Variants in LRP1B observed in about 807,000 individuals in gnomAD.
LRP1B encodes LDL receptor related protein 1B, also known as low-density lipoprotein receptor-related protein 1B.
A neutral mutation model predicts 556.6 loss-of-function variants in LRP1B; 217 were observed. The observed-to-expected ratio is 0.39, with a 90% confidence interval of 0.35 to 0.44. The LOEUF is 0.44. LRP1B is among the 20% of genes least tolerant of loss of function. LRP1B has a pLI of 1.00. For synonymous variants in LRP1B, 2,047 were observed against 1,865.8 expected, an observed-to-expected ratio of 1.10 and a Z score of -2.50; for missense variants, 5,053 against 5,620.8, an observed-to-expected ratio of 0.90 and a Z score of 3.23.
At chr2:141,345,264 C>G (rs1262740446) in intron 3 of LRP1B, among the ~76,000 whole-genome samples, 2 of 151,836 alleles carry the variant, frequency 1.3e-5, no homozygotes, top group Non-Finnish European at 2.9e-5. Context: ...TAATGAGATA[C>G]ATTTCAGAAA....
chr2:140,615,496 T>C (rs773396629), intron 41 of LRP1B, among the ~76,000 whole-genome samples: 2 of 152,132 alleles, frequency 1.3e-5, no homozygotes, highest in Non-Finnish European at 2.9e-5. Context: ...GCTCTATCTG[T>C]GCAGTGGGCA....
intron 42 of LRP1B, 102 bp from the exon 43 acceptor site, chr2:140,598,937 T>C (rs1682548811): frequency 2.8e-6 from 2 of 722,516 alleles, no homozygotes; most frequent in South Asian, 3.6e-5. Context: ...AGAAGCAGAA[T>C]TATTTACCTC....
rs1327185759 is a variant in LRP1B, at chr2:141,464,602, A to AT, written c.343+15793dup. On this transcript the variant is annotated intron_variant, in intron 3 of 90. Transcript: ENST00000389484. ...TAATTTTGTATATATATATATATAT[A>AT]TATATTTTTTTAGTAGAGATGGGGT... is the stretch of plus-strand genomic sequence containing the variant. 4.4e-4 allele frequency among the ~76,000 whole-genome samples: 32 copies of AT among 73,438 alleles called. 1 individual carries two copies. The highest frequency in any genetic ancestry group is 1.8e-3 in the African/African-American group (32 of 17,894). The allele number at this position is 73,438 out of a possible 152,430, so 48.2% of individuals were successfully genotyped here.
At chr2:141,760,933 A>G (rs973612314) in intron 2 of LRP1B, among the ~76,000 whole-genome samples, 1 of 152,170 alleles carries the variant, frequency 6.6e-6, no homozygotes, top group Non-Finnish European at 1.5e-5. Context: ...AACATCTTTC[A>G]ATTACCCTAA....
chr2:140,427,017 A>G (rs563350776), intron 66 of LRP1B, among the ~76,000 whole-genome samples: 8 of 152,066 alleles, frequency 5.3e-5, no homozygotes, highest in African/African-American at 1.9e-4. Context: ...TCTCCTTTCA[A>G]TCTTGGCACC....
chr2:141,201,179 T>C (rs1681998798), intron 6 of LRP1B, among the ~76,000 whole-genome samples: 1 of 152,154 alleles, frequency 6.6e-6, no homozygotes, highest in East Asian at 1.9e-4. Context: ...GATAACACCA[T>C]AACACGGTGC....
intron 66 of LRP1B, among the ~76,000 whole-genome samples, chr2:140,387,577 ATT>A (rs34523312): frequency 2.0e-5 from 3 of 148,778 alleles, no homozygotes; most frequent in Non-Finnish European, 3.0e-5. Context: ...GCATTTTTCT[ATT>A]TTTTTTTTTA....
chr2:141,744,080 C>T (rs938809140), intron 2 of LRP1B, among the ~76,000 whole-genome samples: 58 of 151,832 alleles, frequency 3.8e-4, no homozygotes, highest in African/African-American at 1.4e-3. Context: ...TAAGATGCCT[C>T]ATTATTTATT....
intron 72 of LRP1B, among the ~76,000 whole-genome samples, chr2:140,361,597 A>G (rs537570347): frequency 3.1e-4 from 46 of 150,704 alleles, no homozygotes; most frequent in Non-Finnish European, 5.9e-4. Flanking sequence ...GAAACATGTT[A>G]TTACTTTGGT....
intron 60 of LRP1B, among the ~76,000 whole-genome samples, chr2:140,467,392 T>G (rs1456780546): frequency 6.6e-6 from 1 of 151,348 alleles, no homozygotes; most frequent in Non-Finnish European, 1.5e-5. Flanking sequence ...GCACTTGAGG[T>G]CAGGAGTTCA....
At chr2:141,561,224 A>G (rs891969869) in intron 2 of LRP1B, among the ~76,000 whole-genome samples, 2 of 151,836 alleles carry the variant, frequency 1.3e-5, no homozygotes, top group Admixed American at 6.6e-5. Context: ...TAGATATGCT[A>G]TATGCCATTA....
intron 11 of LRP1B, among the ~76,000 whole-genome samples, chr2:141,045,539 A>G (rs920350336): frequency 3.3e-5 from 5 of 152,100 alleles, no homozygotes; most frequent in Non-Finnish European, 7.4e-5. Context: ...TTCTCTAACC[A>G]TTTAATCTAA....
At chr2:141,306,744 A>G (rs1240267590) in intron 3 of LRP1B, among the ~76,000 whole-genome samples, 1 of 151,894 alleles carries the variant, frequency 6.6e-6, no homozygotes, top group Admixed American at 6.6e-5. Flanking sequence ...TGATGTAGGC[A>G]TTTATTGCTA....
intron 3 of LRP1B, among the ~76,000 whole-genome samples, chr2:141,446,992 T>C (rs1000675862): frequency 6.6e-6 from 1 of 152,170 alleles, no homozygotes; most frequent in Non-Finnish European, 1.5e-5. Context: ...TCCTGAATAA[T>C]ATCCTGAAGA....
At chr2:140,630,594 G>T (rs968145609) in intron 41 of LRP1B, among the ~76,000 whole-genome samples, 4 of 152,154 alleles carry the variant, frequency 2.6e-5, no homozygotes, top group African/African-American at 4.8e-5. Context: ...TTCAACTTGC[G>T]GTCTTAGGAG....
chr2:141,968,680 C>T (rs183675726), intron 1 of LRP1B, among the ~76,000 whole-genome samples: 1 of 151,838 alleles, frequency 6.6e-6, no homozygotes, highest in Non-Finnish European at 1.5e-5. Flanking sequence ...TATTATGTAA[C>T]ACAAGACTGT....
intron 41 of LRP1B, among the ~76,000 whole-genome samples, chr2:140,640,583 G>A (rs1684257879): frequency 1.3e-5 from 2 of 149,144 alleles, no homozygotes; most frequent in Non-Finnish European, 3.0e-5. Flanking sequence ...TTTTAGTAGA[G>A]ACAGGGTTTC....
chr2:141,962,564 G>A (rs998926880), intron 1 of LRP1B, among the ~76,000 whole-genome samples: 5 of 151,664 alleles, frequency 3.3e-5, no homozygotes, highest in Non-Finnish European at 4.4e-5. Context: ...AATAAATGCT[G>A]GTCCCTATTT....
intron 1 of LRP1B, among the ~76,000 whole-genome samples, chr2:141,931,458 A>G (rs938162596): frequency 2.6e-5 from 4 of 152,026 alleles, no homozygotes; most frequent in African/African-American, 9.7e-5. Context: ...AAGAGGAGGT[A>G]GAATTGTACT....
Sources: allele counts gnomAD v4.1 joint callset (sites outside exome capture counted in the v4.1 genomes callset), GRCh38; gene constraint gnomAD v4.1.1; transcripts MANE v1.5; gene names NCBI Gene and HGNC (gene_info 2026-07-23, HGNC 2026-07-21).